The following DPP10 variants were observed in gnomAD, a reference collection of about 807,000 sequenced individuals.
DPP10 encodes dipeptidyl peptidase like 10, also known as inactive dipeptidyl peptidase 10.
DPP10 carries 33 observed loss-of-function variants against 120.9 expected under a neutral mutation model. The ratio of observed to expected loss-of-function variants is 0.27; its 90% CI spans 0.21 to 0.37. The LOEUF (loss-of-function observed/expected upper bound fraction) is 0.37, where lower values mean the gene tolerates loss of function less well. DPP10 is among the 10% of genes least tolerant of loss of function. The pLI is 1.00. For missense variants in DPP10, 816 were observed against 942.8 expected (o/e 0.87, Z 1.76); for synonymous variants, 337 against 326.1 (o/e 1.03, Z -0.36).
chr2:115,320,518 G>T, intron 2 of DPP10, among the ~76,000 whole-genome samples: 2 of 150,042 alleles, frequency 1.3e-5, no homozygotes, highest in Non-Finnish European at 1.5e-5. Flanking sequence ...TGGTTATGTT[G>T]GTCATCATAA....
At chr2:114,780,478 G>A (rs985188595) in intron 1 of DPP10, among the ~76,000 whole-genome samples, 3 of 152,012 alleles carry the variant, frequency 2.0e-5, no homozygotes, top group Non-Finnish European at 1.5e-5. Context: ...TAGGGTACTG[G>A]AAGGAATTTA....
chr2:115,506,666 A>C (rs902958797), intron 4 of DPP10, among the ~76,000 whole-genome samples: 1 of 152,130 alleles, frequency 6.6e-6, no homozygotes, highest in South Asian at 2.1e-4. Context: ...GTATGTTTGT[A>C]TGTATTTATT....
intron 1 of DPP10, among the ~76,000 whole-genome samples, chr2:115,195,123 G>C (rs971893575): frequency 6.6e-6 from 1 of 152,140 alleles, no homozygotes; most frequent in South Asian, 2.1e-4. Flanking sequence ...TAGAAGATGA[G>C]AGGGGCTCTG....
chr2:114,862,286 T>A (rs56870005), intron 1 of DPP10, among the ~76,000 whole-genome samples: 1 of 147,166 alleles, frequency 6.8e-6, no homozygotes, highest in African/African-American at 2.5e-5. Flanking sequence ...AAAAAAAAAA[T>A]AAAAAAGGAC....
intron 1 of DPP10, among the ~76,000 whole-genome samples, chr2:114,889,040 A>C (rs1468667898): frequency 6.6e-6 from 1 of 152,176 alleles, no homozygotes; most frequent in Non-Finnish European, 1.5e-5. Context: ...TGTCTTTACG[A>C]GAAGGCATTA....
intron 5 of DPP10, among the ~76,000 whole-genome samples, chr2:115,586,755 A>G (rs1261216219): frequency 2.0e-5 from 3 of 152,014 alleles, no homozygotes; most frequent in Admixed American, 6.6e-5. Context: ...AACTTTTTTT[A>G]AGTTTATATT....
intron 1 of DPP10, among the ~76,000 whole-genome samples, chr2:114,785,859 A>G (rs1682721181): frequency 6.6e-6 from 1 of 152,234 alleles, no homozygotes; most frequent in African/African-American, 2.4e-5. Flanking sequence ...AAGAGGTTAA[A>G]TAAACAACTA....
rs115325603 is a variant in DPP10, at chr2:114,919,653, A to T, written c.61-389586A>T. 3.2e-4 allele frequency among the ~76,000 whole-genome samples: 49 copies of T among 152,342 alleles called. 1 individual carries two copies. The highest frequency in any genetic ancestry group is 3.2e-3 in the Admixed American group (49 of 15,296). ...AAATAATCAGCCAAAGTTTGCAGAC[A>T]TCAACAGTTCTGGTTAAAAAATTGC... On this transcript the variant is annotated intron_variant, in intron 1 of 25. Coordinates refer to ENST00000410059, the MANE Select transcript of DPP10 (RefSeq NM_020868.6).
rs1004112370 is a variant in DPP10, at chr2:114,928,242, A to G, written c.61-380997A>G. Among the ~76,000 whole-genome samples the G allele has an allele frequency of 3.3e-5, 5 of 152,312 alleles. No individual in the cohort carries two copies. The South Asian group carries it at 6.2e-4, about 19-fold the overall frequency. On this transcript the variant is annotated intron_variant, in intron 1 of 25. Transcript: ENST00000410059. ...CTCACGTTCCAAAGTCTCACCTGAG[A>G]CTCAAGACAAGTTCCTTAGAGCTGT...
intron 5 of DPP10, among the ~76,000 whole-genome samples, chr2:115,601,776 C>T (rs760998941): frequency 2.0e-5 from 3 of 151,882 alleles, no homozygotes; most frequent in African/African-American, 4.8e-5. Context: ...CGGGTTCAAG[C>T]GATTCCCCTG....
chr2:115,634,879 G>A (rs2086193432), intron 5 of DPP10, among the ~76,000 whole-genome samples: 1 of 151,092 alleles, frequency 6.6e-6, no homozygotes, highest in African/African-American at 2.4e-5. Flanking sequence ...CAGTCCCAGA[G>A]AGATTAGAGT....
chr2:114,787,525 A>G (rs757404970), intron 1 of DPP10, among the ~76,000 whole-genome samples: 1 of 152,194 alleles, frequency 6.6e-6, no homozygotes, highest in East Asian at 1.9e-4. Context: ...CTGCTTGAAT[A>G]TTATTTGGAT....
intron 1 of DPP10, among the ~76,000 whole-genome samples, chr2:114,769,558 T>A (rs1036494854): frequency 6.6e-6 from 1 of 152,194 alleles, no homozygotes; most frequent in Non-Finnish European, 1.5e-5. Flanking sequence ...TTTGTTTTGA[T>A]GCTTTTGCCA....
At chr2:115,365,896 G>T (rs1314596660) in intron 3 of DPP10, among the ~76,000 whole-genome samples, 1 of 152,044 alleles carries the variant, frequency 6.6e-6, no homozygotes, top group Non-Finnish European at 1.5e-5. Context: ...AGCTGTGACA[G>T]AGCTAGATTT....
intron 2 of DPP10, among the ~76,000 whole-genome samples, chr2:115,316,149 A>G (rs1375681036): frequency 6.6e-6 from 1 of 152,060 alleles, no homozygotes; most frequent in Non-Finnish European, 1.5e-5. Flanking sequence ...TACATGTACT[A>G]TTTTTTCTCA....
intron 7 of DPP10, among the ~76,000 whole-genome samples, chr2:115,705,717 C>T (rs2092076114): frequency 6.6e-6 from 1 of 151,854 alleles, no homozygotes; most frequent in African/African-American, 2.4e-5. Flanking sequence ...TTGTTTACCT[C>T]ATTCATCTTC....
chr2:115,542,256 A>G (rs546515699), intron 5 of DPP10, among the ~76,000 whole-genome samples: 39 of 152,014 alleles, frequency 2.6e-4, no homozygotes, highest in African/African-American at 7.2e-4. Flanking sequence ...CTACTTATCT[A>G]ATTTCTGGCA....
chr2:114,745,111 C>T (rs1678451556), intron 1 of DPP10, among the ~76,000 whole-genome samples: 1 of 152,168 alleles, frequency 6.6e-6, no homozygotes, highest in South Asian at 2.1e-4. Context: ...TGTTGCTGAT[C>T]CCTGATCAAG....
chr2:114,494,472 G>A lies in DPP10; in HGVS notation c.60+51634G>A, dbSNP rs562984059. Among the ~76,000 whole-genome samples, 13 of 152,270 alleles carry A rather than the reference G, an allele frequency of 8.5e-5. No individual in the cohort carries two copies. In the East Asian group the frequency reaches 1.7e-3, roughly 20 times the overall value. ...AGGCCAGGGAAGCAGCATGTGAAAAGGAAGAAGCAAGCATGAGTTTGACAG... is the reference window on the plus strand; with the variant it reads ...AGGCCAGGGAAGCAGCATGTGAAAAAGAAGAAGCAAGCATGAGTTTGACAG... On this transcript the variant is annotated intron_variant, in intron 1 of 25. Coordinates refer to ENST00000410059, the MANE Select transcript of DPP10 (RefSeq NM_020868.6).
Sources: gnomAD v4.1 joint callset for allele counts (sites outside exome capture counted in the v4.1 genomes callset) on GRCh38, gnomAD v4.1.1 for gene constraint, MANE v1.5 for transcripts, NCBI Gene and HGNC (gene_info 2026-07-23, HGNC 2026-07-21) for gene names.